PIK3CB: variants seen among roughly 807,000 people sequenced by gnomAD.
PIK3CB encodes the protein phosphatidylinositol 4,5-bisphosphate 3-kinase catalytic subunit beta isoform.
In PIK3CB, 39 loss-of-function variants were observed where a neutral mutation model predicts 136.8. The ratio of observed to expected loss-of-function variants is 0.29; its 90% CI spans 0.22 to 0.37. The LOEUF is 0.37. PIK3CB is among the 10% of genes least tolerant of loss of function. The probability of loss-of-function intolerance (pLI) is 1.00; values close to 1 mark genes in which losing one functional copy is unlikely to be tolerated. For synonymous variants in PIK3CB, 428 were observed against 436.6 expected (o/e 0.98, Z 0.25); for missense variants, 868 against 1,275.4 (o/e 0.68, Z 4.87).
At chr3:138,671,610 G>A (rs188483317) in intron 19 of PIK3CB, among the ~76,000 whole-genome samples, 6 of 152,338 alleles carry the variant, frequency 3.9e-5, no homozygotes, top group East Asian at 1.9e-4. Context: ...AAACAGTCAC[G>A]GACTTAGGCC....
At chr3:138,737,591 CT>C in intron 6 of PIK3CB, 115 bp downstream of exon 6, 1 of 299,832 alleles carries the variant, frequency 3.3e-6, no homozygotes, top group South Asian at 1.6e-4. Context: ...GTATAATTTT[CT>C]GTATATTCCA....
chr3:138,773,969 A>G (rs1036545191), intron 2 of PIK3CB, among the ~76,000 whole-genome samples: 2 of 152,200 alleles, frequency 1.3e-5, no homozygotes, highest in Non-Finnish European at 2.9e-5. Context: ...CCCTAAATAG[A>G]TAAAATTAAT....
intron 5 of PIK3CB, among the ~76,000 whole-genome samples, chr3:138,739,960 C>T (rs1056796344): frequency 5.3e-5 from 8 of 151,362 alleles, no homozygotes; most frequent in East Asian, 3.9e-4. Flanking sequence ...TCTTCTGCTA[C>T]GTAAGGACAT....
chr3:138,781,205 T>C (rs1482293475), intron 2 of PIK3CB, among the ~76,000 whole-genome samples: 2 of 151,862 alleles, frequency 1.3e-5, no homozygotes, highest in Non-Finnish European at 2.9e-5. Context: ...GGTGAGAGAA[T>C]TGCTCGAGCC....
intron 1 of PIK3CB, among the ~76,000 whole-genome samples, chr3:138,814,451 C>T (rs1933207179): frequency 6.8e-6 from 1 of 147,438 alleles, no homozygotes; most frequent in Non-Finnish European, 1.5e-5. Flanking sequence ...GCACTCCAGC[C>T]TAGGTGACAG....
intron 5 of PIK3CB, among the ~76,000 whole-genome samples, chr3:138,742,103 C>T (rs900552086): frequency 2.6e-5 from 4 of 152,082 alleles, no homozygotes; most frequent in African/African-American, 4.8e-5. Context: ...GGAGAAAAGT[C>T]ACATGAGAAA....
intron 6 of PIK3CB, among the ~76,000 whole-genome samples, chr3:138,736,862 G>A (rs1185321064): frequency 2.6e-5 from 4 of 152,120 alleles, no homozygotes; most frequent in South Asian, 2.1e-4. Flanking sequence ...GAAATTCCAC[G>A]CATAAATATT....
At chr3:138,808,176 T>C (rs920817185) in intron 1 of PIK3CB, among the ~76,000 whole-genome samples, 3 of 152,112 alleles carry the variant, frequency 2.0e-5, no homozygotes, top group African/African-American at 7.2e-5. Context: ...GTTCCAAAAT[T>C]TCATTTTACC....
At chr3:138,744,775 A>T (rs2045319871) in intron 4 of PIK3CB, among the ~76,000 whole-genome samples, 2 of 152,134 alleles carry the variant, frequency 1.3e-5, no homozygotes, top group Non-Finnish European at 2.9e-5. Context: ...GTTGCATGTG[A>T]ATTTGTTTTC....
At chr3:138,678,297 T>C (rs1559807748) in intron 19 of PIK3CB, among the ~76,000 whole-genome samples, 2 of 152,008 alleles carry the variant, frequency 1.3e-5, no homozygotes, top group South Asian at 4.1e-4. Flanking sequence ...ACCAAGGAGT[T>C]TGTGGCAGCA....
chr3:138,831,644 G>A (rs1277567156), intron 1 of PIK3CB, among the ~76,000 whole-genome samples: 4 of 151,488 alleles, frequency 2.6e-5, no homozygotes, highest in African/African-American at 9.7e-5. Flanking sequence ...TTATTTATTG[G>A]GGCCAGGCAC....
At chr3:138,724,040 T>C (rs1327869424) in intron 8 of PIK3CB, among the ~76,000 whole-genome samples, 2 of 152,284 alleles carry the variant, frequency 1.3e-5, no homozygotes, top group East Asian at 1.9e-4. Flanking sequence ...TGGACACCAA[T>C]TGGGTATCCT....
intron 2 of PIK3CB, among the ~76,000 whole-genome samples, chr3:138,771,908 C>G (rs959218027): frequency 3.4e-5 from 4 of 118,802 alleles, no homozygotes; most frequent in South Asian, 5.5e-4. Flanking sequence ...GGCAACAGAG[C>G]AAGACTCAGT....
intron 2 of PIK3CB, among the ~76,000 whole-genome samples, chr3:138,791,697 C>T (rs894500835): frequency 1.3e-5 from 2 of 152,196 alleles, no homozygotes; most frequent in African/African-American, 4.8e-5. Context: ...CAGCTTCAAA[C>T]ACTTTGTATT....
At chr3:138,710,738 C>A (rs975389063) in intron 10 of PIK3CB, among the ~76,000 whole-genome samples, 3 of 152,052 alleles carry the variant, frequency 2.0e-5, no homozygotes, top group African/African-American at 7.2e-5. Flanking sequence ...GAAATAAAAG[C>A]GTGTGGAAGG....
chr3:138,819,879 G>A (rs967684206), intron 1 of PIK3CB, among the ~76,000 whole-genome samples: 1 of 152,172 alleles, frequency 6.6e-6, no homozygotes, highest in Non-Finnish European at 1.5e-5. Flanking sequence ...GGGTGGCTGA[G>A]GCAGGAGAAT....
At chr3:138,690,909 C>T (rs1039015299) in intron 15 of PIK3CB, 91 bp downstream of exon 15, 2 of 1,032,806 alleles carry the variant, frequency 1.9e-6, no homozygotes, top group Admixed American at 2.3e-5. Context: ...CAGAAAAAAA[C>T]TAAAGCAGCT....
chr3:138,816,521 G>A (rs1933336541), intron 1 of PIK3CB, among the ~76,000 whole-genome samples: 1 of 152,060 alleles, frequency 6.6e-6, no homozygotes, highest in African/African-American at 2.4e-5. Flanking sequence ...TTGAACCCAG[G>A]AGGCCAGAGG....
chr3:138,668,308 G>A (rs2043457309), intron 19 of PIK3CB, among the ~76,000 whole-genome samples: 1 of 152,134 alleles, frequency 6.6e-6, no homozygotes, highest in South Asian at 2.1e-4. Flanking sequence ...GTAGGCAGAA[G>A]TCCAATAACT....
Sources: allele counts gnomAD v4.1 joint callset (sites outside exome capture counted in the v4.1 genomes callset), GRCh38; gene constraint gnomAD v4.1.1; transcripts MANE v1.5; gene names NCBI Gene and HGNC (gene_info 2026-07-23, HGNC 2026-07-21).